The following TTN variants were observed in gnomAD, a reference collection of about 807,000 sequenced individuals.
TTN encodes titin.
In TTN, 1,525 loss-of-function variants were observed where a neutral mutation model predicts 3,223.0. The observed-to-expected ratio is 0.47, with a 90% CI of 0.45 to 0.49. The LOEUF (loss-of-function observed/expected upper bound fraction) is 0.49. Ranked by LOEUF, TTN falls within the 20% of genes least tolerant of loss-of-function variation. The pLI is 0.00. For synonymous variants in TTN, 14,094 were observed against 15,161.0 expected, an observed-to-expected ratio of 0.93 and a Z score of 5.17; for missense variants, 40,786 against 43,424.0, an observed-to-expected ratio of 0.94 and a Z score of 5.40.
chr2:178,684,838 A>G (rs1170881021), intron 130 of TTN, 68 bp downstream of exon 130: 6 of 1,548,050 alleles, frequency 3.9e-6, no homozygotes, highest in Admixed American at 3.8e-5. Flanking sequence ...TGTTTAAAAA[A>G]TCTGAAGAAT....
rs544743907 is a variant in TTN, at chr2:178,701,253, G to A, written c.30599-50C>T. On this transcript the variant is annotated intron_variant, in intron 110 of 362. Coordinates refer to ENST00000589042, the MANE Select transcript of TTN (RefSeq NM_001267550.2). ...AACATGTTTTAGTTTCTTATTTTGC[G>A]TAAAATATAATGAAAAGTCTCATGC... 3.9e-5 allele frequency: 59 copies of A among 1,510,616 alleles called. No homozygotes were observed. The African/African-American group carries it at 6.4e-4, about 16-fold the overall frequency. 93.6% of individuals were successfully genotyped at this position (1,510,616 alleles called of 1,614,324 possible).
At chr2:178,580,707 G>A (rs1445531894) in intron 316 of TTN, 98 bp from the exon 317 acceptor site, 1 of 1,193,764 alleles carries the variant, frequency 8.4e-7, no homozygotes, top group Admixed American at 2.8e-5. Flanking sequence ...TTATTTTCTA[G>A]AGCTGATTTC....
At position 178,745,038 on chromosome 2, in the gene TTN, T is replaced by C. The variant is rs1043296533; in HGVS notation, c.11312-3117A>G. ...TTGAAATGTCAAACAGATTATAGAGTTAGTTGCCAATTGGGAGAAGCTGGT... is the reference window on the plus strand; with the variant it reads ...TTGAAATGTCAAACAGATTATAGAGCTAGTTGCCAATTGGGAGAAGCTGGT... On this transcript the variant is annotated intron_variant, in intron 47 of 362. Transcript: ENST00000589042. The C allele has an allele frequency of 2.3e-5, 23 of 986,776 alleles. No homozygotes were observed. The Admixed American group carries it at 1.4e-3, about 59-fold the overall frequency. 61.1% of individuals were successfully genotyped at this position (986,776 alleles called of 1,614,324 possible).
intron 223 of TTN, among the ~76,000 whole-genome samples, chr2:178,638,889 TAGTG>T (rs1474098424): frequency 6.6e-6 from 1 of 152,040 alleles, no homozygotes; most frequent in African/African-American, 2.4e-5. Context: ...ATCACCCAGA[TAGTG>T]AGCCAAAGGG....
Position 178,557,498 on chromosome 2 carries a change from G to A in TTN, c.87764C>T (p.Thr29255Ile). Residue 29255 changes from threonine (T) to isoleucine (I), a missense_variant, in exon 329 of 363, where the codon ACT becomes ATT. Physicochemically the swap from Thr to Ile is moderately conservative, Grantham distance 89. Coordinates refer to ENST00000589042, the MANE Select transcript of TTN (RefSeq NM_001267550.2). ...TGACACTGGTTCATGCCAGCCCACA[G>A]TGATGCTTTCTCGAGTAACATTAGT... ...WVTNVTRESI[T>I]VGWHEPVSNG... 1 of 1,613,936 alleles carries A rather than the reference G, an allele frequency of 6.2e-7. No homozygotes were observed. The highest frequency in any genetic ancestry group is 1.3e-5 in the African/African-American group (1 of 75,056).
rs574097669 is a variant in TTN, at chr2:178,705,415, T to C, written c.29421-58A>G. 11 of 1,288,792 alleles carry C rather than the reference T, an allele frequency of 8.5e-6. No homozygotes were observed. The African/African-American group carries it at 1.3e-4, about 16-fold the overall frequency. 79.8% of individuals were successfully genotyped at this position (1,288,792 alleles called of 1,614,324 possible). A position where few individuals can be genotyped will look rare whatever the true frequency, so the allele number is the denominator to read the frequency against. On this transcript the variant is annotated intron_variant, in intron 102 of 362. Transcript: ENST00000589042. The stretch of plus-strand genomic sequence containing the variant: ...CCTGTCTTCTACTTATTTTTAATTG[T>C]CTATCATCATTCAAAGATTATATAC...
rs766506027 is a variant in TTN, at chr2:178,589,091, A to G, written c.62634T>C (p.Ser20878=). Residue 20878 remains serine (S), a synonymous_variant, in exon 304 of 363, where the codon AGT becomes AGC. Transcript: ENST00000589042. ...VRNLKIVDVS[S]DRCTVCWDPP... ...GATCCCAGCAAACAGTACACCTATCACTGGACACATCAACAATTTTCAGAT... is the reference window on the plus strand; with the variant it reads ...GATCCCAGCAAACAGTACACCTATCGCTGGACACATCAACAATTTTCAGAT... 1.9e-6 allele frequency: 3 copies of G among 1,610,426 alleles called. No individual in the cohort carries two copies. Among genetic ancestry groups the G allele is most frequent in the Non-Finnish European group, 2.5e-6 (3 of 1,179,596 alleles).
intron 344 of TTN, among the ~76,000 whole-genome samples, 163 bp downstream of exon 344, chr2:178,545,225 A>C (rs1251209600): frequency 6.6e-6 from 1 of 152,228 alleles, no homozygotes; most frequent in Non-Finnish European, 1.5e-5. Flanking sequence ...TGTAATAGTT[A>C]AAATGTTCTC....
chr2:178,764,246 T>C lies in TTN; in HGVS notation c.10045A>G (p.Thr3349Ala), dbSNP rs777960129. 6.8e-6 allele frequency: 11 copies of C among 1,613,788 alleles called. No individual in the cohort carries two copies. The highest frequency in any genetic ancestry group is 8.5e-6 in the Non-Finnish European group (10 of 1,179,938). Reference sequence around the variant, plus strand: ...GAAGTGACAGTGTCCTGAAGCGGGGTGATGATGGCAGGTGGATAAACAGGC... The same window carrying C: ...GAAGTGACAGTGTCCTGAAGCGGGGCGATGATGGCAGGTGGATAAACAGGC... ...EMPVYPPAII[T>A]PLQDTVTSEG... Residue 3349 changes from threonine to alanine, a missense_variant, in exon 43 of 363, where the codon ACC becomes GCC. By Grantham distance (58) the Thr-to-Ala change is moderately conservative. Coordinates refer to ENST00000589042, the MANE Select transcript of TTN (RefSeq NM_001267550.2).
At position 178,531,956 on chromosome 2, in the gene TTN, G is replaced by A. The variant is rs1689308742; in HGVS notation, c.104659C>T (p.Pro34887Ser). The A allele has an allele frequency of 6.2e-7, 1 of 1,613,594 alleles. No individual in the cohort carries two copies. The highest frequency in any genetic ancestry group is 2.2e-5 in the East Asian group (1 of 44,826). The part of the protein sequence containing the change: ...PTPERTRPRS[P>S]SPVSSERSLS... ...GATCTCTCACTAGACACAGGGCTGG[G>A]GGATCGTGGGCGAGTTCTCTCTGGA... Residue 34887 changes from proline to serine, a missense_variant, in exon 358 of 363, where the codon CCC becomes TCC. By Grantham distance (74) the Pro-to-Ser change is moderately conservative. Transcript: ENST00000589042.
intron 253 of TTN, 124 bp from the exon 254 acceptor site, chr2:178,617,636 C>G (rs1224809872): frequency 7.2e-7 from 1 of 1,383,326 alleles, no homozygotes; most frequent in Non-Finnish European, 9.8e-7. Context: ...AAAGTAGGCA[C>G]AGTCTGGGTT....
Position 178,607,674 on chromosome 2 carries a change from C to T in TTN, c.53014G>A (p.Val17672Met), listed in dbSNP as rs1202035981. 1 of 1,612,932 alleles carries T rather than the reference C, an allele frequency of 6.2e-7. No individual in the cohort carries two copies. The highest frequency in any genetic ancestry group is 8.5e-7 in the Non-Finnish European group (1 of 1,179,342). ...CCCTTGACAGAAACATCCAGTTCCA[C>T]AGCTGGAGGCTCTGTTGAAAGAGAA... ...TVAEPQEPPA[V>M]ELDVSVKGGI... Residue 17672 changes from valine to methionine, a missense_variant, in exon 277 of 363, where the codon GTG (valine) becomes ATG (methionine). By Grantham distance (21) the Val-to-Met change is conservative. Transcript: ENST00000589042.
In TTN at chr2:178,675,060, C is replaced by T. The variant is rs879151050; in HGVS notation, c.34591G>A (p.Glu11531Lys). 1 of 1,544,014 alleles carries T rather than the reference C, an allele frequency of 6.5e-7. No homozygotes were observed. The highest frequency in any genetic ancestry group is 8.7e-7 in the Non-Finnish European group (1 of 1,152,750). The change falls in exon 150 of 363, where the codon GAG becomes AAG. Residue 11531 changes from glutamate to lysine, a missense_variant. Coordinates refer to ENST00000589042, the MANE Select transcript of TTN (RefSeq NM_001267550.2). ...CTACCTTCAACTGGTAGAACTTCCT[C>T]TTCTTTAGGGAGAATGATTCGTTTT... is the stretch of plus-strand genomic sequence containing the variant. ...EEKRIILPKE[E>K]EVLPVEVTEE... is the part of the protein sequence containing the mutation.
At chr2:178,694,935 CT>C (rs34315919) in intron 115 of TTN, 29 bp from the exon 116 acceptor site, 39 of 1,459,742 alleles carry the variant, frequency 2.7e-5, no homozygotes, top group Admixed American at 6.2e-5. Flanking sequence ...AATTGCAGTA[CT>C]TTTAGAATTC....
chr2:178,762,643 C>A (rs962371141), intron 43 of TTN, among the ~76,000 whole-genome samples: 1 of 152,026 alleles, frequency 6.6e-6, no homozygotes. Context: ...CTTTAATGAA[C>A]TTGCTTTTAA....
At position 178,611,242 on chromosome 2, in the gene TTN, C is replaced by A. The variant is rs760115243; in HGVS notation, c.50887G>T (p.Asp16963Tyr). Residue 16963 changes from aspartate to tyrosine, a missense_variant, in exon 270 of 363, where the codon GAC (aspartate) becomes TAC (tyrosine). Asp to Tyr is a radical substitution (Grantham distance 160). Coordinates refer to ENST00000589042, the MANE Select transcript of TTN (RefSeq NM_001267550.2). ...CKPTIDLETHDIIVIEGEKLS... is the reference protein window; with the variant it reads ...CKPTIDLETHYIIVIEGEKLS... Reference sequence around the variant, plus strand: ...TTTTCACCTTCAATAACAATAATGTCATGAGTCTCCAGGTCAATTGTTGGC... The same window carrying A: ...TTTTCACCTTCAATAACAATAATGTAATGAGTCTCCAGGTCAATTGTTGGC... The A allele has an allele frequency of 1.4e-5, 22 of 1,612,282 alleles. No individual in the cohort carries two copies. The South Asian group carries it at 2.3e-4, about 17-fold the overall frequency.
chr2:178,786,557 C>T (rs904772919), intron 13 of TTN, among the ~76,000 whole-genome samples: 1 of 152,108 alleles, frequency 6.6e-6, no homozygotes, highest in African/African-American at 2.4e-5. Context: ...AATGCAGTGA[C>T]AGTGATGATA....
Position 178,713,898 on chromosome 2 carries a change from T to C in TTN, c.26760A>G (p.Ser8920=). 1 of 1,612,284 alleles carries C rather than the reference T, an allele frequency of 6.2e-7. No homozygotes were observed. Among genetic ancestry groups the C allele is most frequent in the South Asian group, 1.1e-5 (1 of 90,890 alleles). ...KDSCTASLQV[S]DRTVPPSFTR... is the part of the protein sequence containing the mutation. Reference sequence around the variant, plus strand: ...GAAAAGCCCAAGAAATCAACCAACCTGAAACCTGCAATGAAGCTGTGCAGC... The same window carrying C: ...GAAAAGCCCAAGAAATCAACCAACCCGAAACCTGCAATGAAGCTGTGCAGC... Residue 8920 remains serine (S), a splice_region_variant and synonymous_variant, in exon 92 of 363, where the codon TCA becomes TCG. Transcript: ENST00000589042.
chr2:178,785,991 C>T lies in TTN; in HGVS notation c.2227G>A (p.Ala743Thr), dbSNP rs370728359. The T allele has an allele frequency of 1.9e-5, 31 of 1,613,890 alleles. No individual in the cohort carries two copies. The highest frequency in any genetic ancestry group is 4.5e-5 in the East Asian group (2 of 44,878). The change falls in exon 14 of 363, where the codon GCC (alanine) becomes ACC (threonine). Residue 743 changes from alanine to threonine, a missense_variant. Ala to Thr is a moderately conservative substitution (Grantham distance 58, BLOSUM62 0). Coordinates refer to ENST00000589042, the MANE Select transcript of TTN (RefSeq NM_001267550.2). ...LEYGYKERIS[A>T]AKVAEPPQRP... ...TGGGGAGGCTCAGCTACCTTTGCGGCGGAAATGCGTTCCTTATATCCGTAC... is the reference window on the plus strand; with the variant it reads ...TGGGGAGGCTCAGCTACCTTTGCGGTGGAAATGCGTTCCTTATATCCGTAC...
Sources: allele counts gnomAD v4.1 joint callset (sites outside exome capture counted in the v4.1 genomes callset), GRCh38; gene constraint gnomAD v4.1.1; transcripts MANE v1.5; gene names NCBI Gene and HGNC (gene_info 2026-07-23, HGNC 2026-07-21).